PRKG1: variants seen among roughly 807,000 people sequenced by gnomAD.
PRKG1 encodes cGMP-dependent protein kinase 1.
A neutral mutation model predicts 88.1 loss-of-function variants in PRKG1; 35 were observed. The ratio of observed to expected loss-of-function variants is 0.40; its 90% confidence interval spans 0.30 to 0.53. The LOEUF (loss-of-function observed/expected upper bound fraction) is 0.53, where lower values mean the gene tolerates loss of function less well. PRKG1 is among the 20% of genes least tolerant of loss of function. PRKG1 has a pLI of 0.59. For synonymous variants in PRKG1, 303 were observed against 292.5 expected (o/e 1.04, Z -0.37); for missense variants, 540 against 839.8 (o/e 0.64, Z 4.41).
chr10:51,526,298 T>C lies in PRKG1; in HGVS notation c.592+58462T>C, dbSNP rs149167717. 1.4e-3 allele frequency among the ~76,000 whole-genome samples: 210 copies of C among 152,334 alleles called. 1 individual carries two copies. The highest frequency in any genetic ancestry group is 4.4e-3 in the African/African-American group (182 of 41,586). ...ATATTTGTATATATTGAGTTAAATA[T>C]ATTATTAAAATAAATTTAGCTTTAA... On this transcript the variant is annotated intron_variant, in intron 3 of 17. Transcript: ENST00000373980.
intron 5 of PRKG1, among the ~76,000 whole-genome samples, chr10:52,005,779 G>A (rs559089039): frequency 2.6e-4 from 40 of 152,144 alleles, no homozygotes; most frequent in African/African-American, 9.1e-4. Context: ...ATAGCCAAAT[G>A]AGCCATACAT....
intron 5 of PRKG1, among the ~76,000 whole-genome samples, chr10:51,946,365 A>T (rs1489875265): frequency 2.6e-5 from 4 of 151,792 alleles, no homozygotes; most frequent in Non-Finnish European, 4.4e-5. Context: ...ATTCGTCTAA[A>T]TTTTTTCCAA....
At chr10:51,156,714 A>C (rs1351692193) in intron 2 of PRKG1, among the ~76,000 whole-genome samples, 1 of 152,058 alleles carries the variant, frequency 6.6e-6, no homozygotes, top group Admixed American at 6.6e-5. Context: ...CCTTATGTCA[A>C]AATAATTTAA....
intron 3 of PRKG1, among the ~76,000 whole-genome samples, chr10:51,710,223 G>C (rs1841709499): frequency 6.6e-6 from 1 of 152,146 alleles, no homozygotes; most frequent in Admixed American, 6.6e-5. Context: ...CCTTCTGTCA[G>C]ACAAGATAGA....
chr10:51,030,258 A>G (rs956440663), intron 1 of PRKG1, among the ~76,000 whole-genome samples: 1 of 152,022 alleles, frequency 6.6e-6, no homozygotes, highest in African/African-American at 2.4e-5. Context: ...ACTGTCAGAG[A>G]AAAGTTCTTC....
upstream of PRKG1, among the ~76,000 whole-genome samples, chr10:51,074,051 C>G (rs1437273681): frequency 6.6e-6 from 1 of 152,058 alleles, no homozygotes; most frequent in Non-Finnish European, 1.5e-5. Context: ...TGAGGCCTCC[C>G]GAGTTTGCCC....
chr10:51,256,293 C>T (rs1216347475), intron 2 of PRKG1, among the ~76,000 whole-genome samples: 1 of 152,034 alleles, frequency 6.6e-6, no homozygotes, highest in Non-Finnish European at 1.5e-5. Context: ...TGAGATAAAG[C>T]CCACTTTTTT....
chr10:51,737,733 ATTT>A (rs1837318286), intron 3 of PRKG1, among the ~76,000 whole-genome samples: 1 of 105,474 alleles, frequency 9.5e-6, no homozygotes, highest in Non-Finnish European at 1.8e-5. Flanking sequence ...TTATTTATTT[ATTT>A]ATTAATTATT....
intron 2 of PRKG1, among the ~76,000 whole-genome samples, chr10:51,186,221 A>G (rs989325429): frequency 6.6e-6 from 1 of 151,524 alleles, no homozygotes; most frequent in African/African-American, 2.4e-5. Flanking sequence ...CTTGTCTTTT[A>G]TATTTATCAT....
At chr10:51,270,598 A>G (rs1288363634) in intron 2 of PRKG1, among the ~76,000 whole-genome samples, 1 of 152,192 alleles carries the variant, frequency 6.6e-6, no homozygotes, top group East Asian at 1.9e-4. Flanking sequence ...TAGATCACAA[A>G]GATTCATGCA....
intron 5 of PRKG1, among the ~76,000 whole-genome samples, chr10:52,018,142 A>G (rs1845091225): frequency 6.6e-6 from 1 of 152,194 alleles, no homozygotes; most frequent in Non-Finnish European, 1.5e-5. Context: ...TTGCAGGGTA[A>G]AATGACTAAA....
intron 3 of PRKG1, among the ~76,000 whole-genome samples, chr10:51,721,024 T>C (rs555862942): frequency 1.3e-5 from 2 of 151,886 alleles, no homozygotes; most frequent in African/African-American, 4.8e-5. Context: ...TTGGGCAACA[T>C]GGGAAGACCC....
rs192528896 is a variant in PRKG1, at chr10:51,147,426, C to G, written c.312-5738C>G. On this transcript the variant is annotated intron_variant, in intron 1 of 17. Transcript: ENST00000373980. ...AATATGTACCGTTACTACATGTCAA[C>G]TAAAAGTAAAAGGAAAAAAAAAACG... Among the ~76,000 whole-genome samples, 14 of 114,648 alleles carry G rather than the reference C, an allele frequency of 1.2e-4. 1 individual carries two copies. In the East Asian group the frequency reaches 2.8e-3, roughly 23 times the overall value. The allele number at this position is 114,648 out of a possible 152,430, so 75.2% of individuals were successfully genotyped here. A position where few individuals can be genotyped will look rare whatever the true frequency, so the allele number is the denominator to read the frequency against.
Position 51,628,735 on chromosome 10 carries a change from G to A in PRKG1, c.592+160899G>A, listed in dbSNP as rs1170028618. ...AGCACTTTGGGAGGCCGAGGCGGGT[G>A]GATCATGAGGTCAGGAGATCGAGAC... is the stretch of plus-strand genomic sequence containing the variant. On this transcript the variant is annotated intron_variant, in intron 3 of 17. Transcript: ENST00000373980. Among the ~76,000 whole-genome samples, 9 of 151,818 alleles carry A rather than the reference G, an allele frequency of 5.9e-5. No homozygotes were observed. In the South Asian group the frequency reaches 1.2e-3, roughly 21 times the overall value.
chr10:51,649,444 G>A (rs1252145665), intron 3 of PRKG1, among the ~76,000 whole-genome samples: 1 of 151,822 alleles, frequency 6.6e-6, no homozygotes, highest in Non-Finnish European at 1.5e-5. Flanking sequence ...TTTCAGTTAA[G>A]GTGAACCCTT....
chr10:51,213,275 A>G (rs1408044199), intron 2 of PRKG1, among the ~76,000 whole-genome samples: 3 of 151,542 alleles, frequency 2.0e-5, no homozygotes, highest in Non-Finnish European at 2.9e-5. Flanking sequence ...ATGAGAACAC[A>G]TGGACACAGG....
In PRKG1 at chr10:52,018,953, G is replaced by A. The variant is rs12573303; in HGVS notation, c.763-35531G>A. ...TTCGTGTTGCTAAAAAGGAACACTTGCGCTTGGATAATTTATGAAGAAAAG... is the reference window on the plus strand; with the variant it reads ...TTCGTGTTGCTAAAAAGGAACACTTACGCTTGGATAATTTATGAAGAAAAG... On this transcript the variant is annotated intron_variant, in intron 5 of 17. Coordinates refer to ENST00000373980, the MANE Select transcript of PRKG1 (RefSeq NM_006258.4). Among the ~76,000 whole-genome samples the A allele has an allele frequency of 1.3e-3, 177 of 134,230 alleles. 3 individuals are homozygous for A. In the East Asian group the frequency reaches 0.034, roughly 26 times the overall value. The allele number at this position is 134,230 out of a possible 152,430, so 88.1% of individuals were successfully genotyped here.
intron 1 of PRKG1, among the ~76,000 whole-genome samples, chr10:51,151,278 C>T (rs1241593882): frequency 6.6e-6 from 1 of 151,806 alleles, no homozygotes; most frequent in Non-Finnish European, 1.5e-5. Flanking sequence ...TATGAAGGTG[C>T]CACTGCTATT....
At chr10:52,096,142 A>G (rs1847167104) in intron 7 of PRKG1, among the ~76,000 whole-genome samples, 1 of 152,142 alleles carries the variant, frequency 6.6e-6, no homozygotes, top group African/African-American at 2.4e-5. Context: ...CCTGTCACTG[A>G]TACGTTTTGT....
Sources: allele counts gnomAD v4.1 joint callset (sites outside exome capture counted in the v4.1 genomes callset), GRCh38; gene constraint gnomAD v4.1.1; transcripts MANE v1.5; gene names NCBI Gene and HGNC (gene_info 2026-07-23, HGNC 2026-07-21).